TMC5: variants seen among roughly 807,000 people sequenced by gnomAD.
TMC5 encodes transmembrane channel-like protein 5.
A neutral mutation model predicts 110.5 loss-of-function variants in TMC5; 86 were observed. The ratio of observed to expected loss-of-function variants is 0.78; its 90% confidence interval spans 0.65 to 0.93. TMC5 has a LOEUF of 0.93. TMC5 is among the 40% of genes least tolerant of loss of function. The pLI, the probability that TMC5 is intolerant of heterozygous loss-of-function variation, is 0.00. For synonymous variants in TMC5, 455 were observed against 439.5 expected (o/e 1.04, Z -0.44); for missense variants, 1,144 against 1,222.8 (o/e 0.94, Z 0.96).
chr16:19,449,873 C>G (rs1030672922), intron 5 of TMC5, among the ~76,000 whole-genome samples: 22 of 152,264 alleles, frequency 1.4e-4, no homozygotes, highest in African/African-American at 5.3e-4. Context: ...CCTATGCCTT[C>G]CACCACGTTT....
chr16:19,473,626 C>T (rs1162204949), intron 11 of TMC5, among the ~76,000 whole-genome samples: 1 of 152,106 alleles, frequency 6.6e-6, no homozygotes, highest in African/African-American at 2.4e-5. Flanking sequence ...CAAGTGTCTT[C>T]CCCTCCCTGA....
At chr16:19,411,110 G>A (rs990080774) in exon 1 of TMC5, 3 of 152,438 alleles carry the variant, frequency 2.0e-5, no homozygotes, top group Admixed American at 6.5e-5. Flanking sequence ...AGCCCGCCCT[G>A]CAGGTGCAGG....
chr16:19,462,465 A>C lies in TMC5; in HGVS notation c.1149-815A>C, dbSNP rs1968047937. On this transcript the variant is annotated intron_variant, in intron 6 of 21. Coordinates refer to ENST00000542583, the MANE Select transcript of TMC5 (RefSeq NM_001261841.2). The stretch of plus-strand genomic sequence containing the variant: ...ACATACTTGAGACTGGGTGATTTAT[A>C]AAGGAAAGAGGTTTAATGGACTCAC... 4.3e-6 allele frequency: 3 copies of C among 698,610 alleles called. No individual in the cohort carries two copies. In the Admixed American group the frequency reaches 6.0e-5, roughly 14 times the overall value. The allele number at this position is 698,610 out of a possible 1,614,324, so 43.3% of individuals were successfully genotyped here.
chr16:19,473,361 A>C (rs1190053912), intron 11 of TMC5, among the ~76,000 whole-genome samples: 2 of 128,142 alleles, frequency 1.6e-5, no homozygotes, highest in Non-Finnish European at 3.1e-5. Context: ...AAAAAAAAAA[A>C]AAAAAAAAAA....
At chr16:19,457,326 G>A (rs1429070356) in intron 5 of TMC5, among the ~76,000 whole-genome samples, 11 of 152,130 alleles carry the variant, frequency 7.2e-5, no homozygotes, top group Admixed American at 4.6e-4. Context: ...CCTAGGAGTT[G>A]GAGGCTGCAG....
At chr16:19,496,887 C>CCAAAAAAAA (rs1969067855) in intron 20 of TMC5, among the ~76,000 whole-genome samples, 1 of 80,244 alleles carries the variant, frequency 1.2e-5, no homozygotes, top group African/African-American at 5.2e-5. Context: ...AAGACTCTGT[C>CCAAAAAAAA]AAAAAAAAAA....
upstream of TMC5, among the ~76,000 whole-genome samples, chr16:19,413,221 GC>G (rs1251372069): frequency 6.6e-6 from 1 of 152,032 alleles, no homozygotes; most frequent in Non-Finnish European, 1.5e-5. Context: ...GACAAATGCT[GC>G]CTTTAAGTGT....
At chr16:19,420,774 T>A (rs1966966134) in intron 1 of TMC5, among the ~76,000 whole-genome samples, 1 of 152,146 alleles carries the variant, frequency 6.6e-6, no homozygotes, top group African/African-American at 2.4e-5. Flanking sequence ...AACATAGGTA[T>A]AATTTAAAAG....
chr16:19,499,072 A>C lies in TMC5; in HGVS notation c.*1106A>C, dbSNP rs1308759125. On this transcript the variant is annotated 3_prime_UTR_variant, in exon 22 of 22. Transcript: ENST00000542583. ...AGACTCTGCCTCAAAAAAATAAATA[A>C]ATAAATAAATAAAGTAAATTAAAAG... 1 of 152,136 alleles carries C rather than the reference A, an allele frequency of 6.6e-6. No homozygotes were observed. The highest frequency in any genetic ancestry group is 1.5e-5 in the Non-Finnish European group (1 of 68,042). The allele number at this position is 152,136 out of a possible 1,614,324, so 9.4% of individuals were successfully genotyped here.
At position 19,497,179 on chromosome 16, in the gene TMC5, G is replaced by T; in HGVS notation, c.2974+16G>T. On this transcript the variant is annotated intron_variant, in intron 21 of 21. Transcript: ENST00000542583. ...GGCAGTCTTGGTGAGTAATTAAACT[G>T]GGACAGAATAAGACACTAATTTATT... 1 of 1,610,938 alleles carries T rather than the reference G, an allele frequency of 6.2e-7. No individual in the cohort carries two copies. The highest frequency in any genetic ancestry group is 8.5e-7 in the Non-Finnish European group (1 of 1,177,356).
chr16:19,437,144 T>C (rs755329917), intron 2 of TMC5, among the ~76,000 whole-genome samples: 1 of 152,174 alleles, frequency 6.6e-6, no homozygotes, highest in African/African-American at 2.4e-5. Flanking sequence ...CACTGCACTC[T>C]AGCCTGGACG....
intron 1 of TMC5, among the ~76,000 whole-genome samples, chr16:19,424,024 G>A (rs1230906728): frequency 6.6e-6 from 1 of 152,112 alleles, no homozygotes; most frequent in African/African-American, 2.4e-5. Flanking sequence ...AAAGTGCTGG[G>A]ATTACAAGTG....
chr16:19,494,453 T>G, intron 20 of TMC5, 87 bp downstream of exon 20: 5 of 858,048 alleles, frequency 5.8e-6, no homozygotes, highest in Non-Finnish European at 9.5e-6. Context: ...GACCAAGCTC[T>G]TGGGATCATG....
intron 21 of TMC5, 152 bp downstream of exon 21, chr16:19,497,315 C>A: frequency 3.7e-6 from 3 of 808,916 alleles, no homozygotes; most frequent in South Asian, 1.7e-5. Flanking sequence ...ATAATTCTTG[C>A]TTTAGGCCTT....
chr16:19,457,102 A>C, intron 5 of TMC5: 2 of 1,200,818 alleles, frequency 1.7e-6, no homozygotes, highest in Non-Finnish European at 2.3e-6. Flanking sequence ...TTTAGATATC[A>C]AGTGGGGCCA....
intron 8 of TMC5, among the ~76,000 whole-genome samples, chr16:19,464,501 G>A (rs868578826): frequency 2.1e-4 from 32 of 152,322 alleles, no homozygotes; most frequent in African/African-American, 7.2e-4. Flanking sequence ...TCTGTCTCCA[G>A]AGGCAACCAT....
At chr16:19,463,699 C>A in intron 7 of TMC5, 77 bp from the exon 8 acceptor site, 11 of 1,532,952 alleles carry the variant, frequency 7.2e-6, no homozygotes, top group Non-Finnish European at 9.7e-6. Context: ...GTGGCTGTTT[C>A]TGTTATTATG....
chr16:19,472,796 A>G (rs1303307988), intron 11 of TMC5, among the ~76,000 whole-genome samples: 2 of 152,218 alleles, frequency 1.3e-5, no homozygotes, highest in African/African-American at 4.8e-5. Context: ...ATTGGAACCC[A>G]GGTTACCCTG....
At chr16:19,492,331 C>A in intron 19 of TMC5, 103 bp downstream of exon 19, 1 of 696,676 alleles carries the variant, frequency 1.4e-6, no homozygotes, top group South Asian at 2.2e-5. Flanking sequence ...TCTCATATCC[C>A]TGCTCTCAGC....
Sources: gnomAD v4.1 joint callset for allele counts (sites outside exome capture counted in the v4.1 genomes callset) on GRCh38, gnomAD v4.1.1 for gene constraint, MANE v1.5 for transcripts, NCBI Gene and HGNC (gene_info 2026-07-23, HGNC 2026-07-21) for gene names.